The following MGAT1 variants were observed in gnomAD, a reference collection of about 807,000 sequenced individuals.
The protein encoded by MGAT1 is alpha-1,3-mannosyl-glycoprotein 2-beta-N-acetylglucosaminyltransferase, also known as N-glycosyl-oligosaccharide-glycoprotein N-acetylglucosaminyltransferase I.
Under a neutral mutation model 31.7 loss-of-function variants are expected in MGAT1, and 14 were observed. The ratio of observed to expected loss-of-function variants is 0.44; its 90% CI spans 0.29 to 0.69. The LOEUF (loss-of-function observed/expected upper bound fraction) is 0.69, where lower values mean the gene tolerates loss of function less well. Ranked by LOEUF, MGAT1 falls within the 30% of genes least tolerant of loss-of-function variation. The pLI, the probability that MGAT1 is intolerant of heterozygous loss-of-function variation, is 0.12. For missense variants in MGAT1, 557 were observed against 626.0 expected (o/e 0.89, Z 1.18); for synonymous variants, 338 against 276.0 (o/e 1.22, Z -2.23).
chr5:180,801,685 C>G (rs1287122675), intron 1 of MGAT1, among the ~76,000 whole-genome samples: 2 of 152,184 alleles, frequency 1.3e-5, no homozygotes, highest in Non-Finnish European at 2.9e-5. Flanking sequence ...GTCACTTGAC[C>G]CACTTGTACC....
Position 180,791,154 on chromosome 5 carries a change from GC to G in MGAT1, c.*479del, listed in dbSNP as rs1218677708. The G allele has an allele frequency of 3.8e-5, 6 of 158,108 alleles. No homozygotes were observed. Among genetic ancestry groups the G allele is most frequent in the Non-Finnish European group, 5.5e-5 (4 of 72,224 alleles). 9.8% of individuals were successfully genotyped at this position (158,108 alleles called of 1,614,324 possible). On this transcript the variant is annotated 3_prime_UTR_variant, in exon 2 of 2. Transcript: ENST00000307826. Reference sequence around the variant, plus strand: ...AACTCCACCAGGCCCTGACAAGGAAGCCCCTTTGGTTAGTATCATTTTGGCC... The same window carrying G: ...AACTCCACCAGGCCCTGACAAGGAAGCCCTTTGGTTAGTATCATTTTGGCC...
upstream of MGAT1, among the ~76,000 whole-genome samples, chr5:180,807,805 G>C (rs774255779): frequency 3.9e-5 from 6 of 152,240 alleles, no homozygotes; most frequent in Non-Finnish European, 8.8e-5. Flanking sequence ...TTCAGGGGCA[G>C]GCTTTTCACT....
Position 180,793,251 on chromosome 5 carries a change from C to T in MGAT1, c.-126-154G>A, listed in dbSNP as rs552783468. 1.4e-4 allele frequency among the ~76,000 whole-genome samples: 22 copies of T among 152,230 alleles called. No individual in the cohort carries two copies. The East Asian group carries it at 3.7e-3, about 25-fold the overall frequency. On this transcript the variant is annotated intron_variant, in intron 1 of 1. Transcript: ENST00000307826. ...AGCTCTCTAGGGAGTCAACATATAT[C>T]CTGACCCAGGAACGTATTTTTGAGG...
At position 180,791,495 on chromosome 5, in the gene MGAT1, A is replaced by G. The variant is rs1768074705; in HGVS notation, c.*139T>C. ...ATAATCCTCTTGTTATCATTTGTGCACTTAAATGCCACTCGGAAAAATCAA... is the reference window on the plus strand; with the variant it reads ...ATAATCCTCTTGTTATCATTTGTGCGCTTAAATGCCACTCGGAAAAATCAA... On this transcript the variant is annotated 3_prime_UTR_variant, in exon 2 of 2. Coordinates refer to ENST00000307826, the MANE Select transcript of MGAT1 (RefSeq NM_002406.4). 9.9e-7 allele frequency: 1 copy of G among 1,005,562 alleles called. No homozygotes were observed. The highest frequency in any genetic ancestry group is 1.5e-6 in the Non-Finnish European group (1 of 677,966). The allele number at this position is 1,005,562 out of a possible 1,614,324, so 62.3% of individuals were successfully genotyped here.
At chr5:180,800,605 A>C (rs1168354801) in intron 1 of MGAT1, among the ~76,000 whole-genome samples, 1 of 152,208 alleles carries the variant, frequency 6.6e-6, no homozygotes. Context: ...TGTTCCAAGA[A>C]AGCGGGCAAG....
intron 2 of MGAT1, among the ~76,000 whole-genome samples, chr5:180,808,217 T>C (rs999329135): frequency 6.6e-6 from 1 of 152,176 alleles, no homozygotes; most frequent in African/African-American, 2.4e-5. Context: ...ATCTAGACCA[T>C]TCCCGCCTTC....
At chr5:180,807,969 G>C (rs1223944333) in intron 2 of MGAT1, among the ~76,000 whole-genome samples, 2 of 152,192 alleles carry the variant, frequency 1.3e-5, no homozygotes. Flanking sequence ...CAAAATCCTT[G>C]TTTCATTTGC....
At chr5:180,809,487 C>T (rs1772303844) in intron 1 of MGAT1, 1 of 152,090 alleles carries the variant, frequency 6.6e-6, no homozygotes, top group Admixed American at 6.5e-5. Flanking sequence ...TCTTAGGGTG[C>T]TGAGTGTTTT....
chr5:180,797,044 TATAACAGG>T (rs1347210172), intron 1 of MGAT1, among the ~76,000 whole-genome samples: 1 of 152,156 alleles, frequency 6.6e-6, no homozygotes, highest in African/African-American at 2.4e-5. Flanking sequence ...AAAGACTTTA[TATAACAGG>T]ATGGGGATGG....
In MGAT1 at chr5:180,792,190, G is replaced by C. The variant is rs780680621; in HGVS notation, c.782C>G (p.Thr261Ser). 6.2e-7 allele frequency: 1 copy of C among 1,613,122 alleles called. No homozygotes were observed. The highest frequency in any genetic ancestry group is 8.5e-7 in the Non-Finnish European group (1 of 1,179,998). Residue 261 changes from threonine (T) to serine (S), a missense_variant, in exon 2 of 2, where the codon ACC becomes AGC. Physicochemically the swap from Thr to Ser is moderately conservative, Grantham distance 58 (BLOSUM62 1). This residue lies in a region of MGAT1 where 245 missense variants were observed against 332.9 expected (regional missense o/e 0.74). Transcript: ENST00000307826. ...CCAGCCCAGGCCAGGGAAAAAGTCG[G>C]TGCGGTAGAGCAGCTCAGGCCTGCT... ...DASRPELLYRTDFFPGLGWLL... is the reference protein window; with the variant it reads ...DASRPELLYRSDFFPGLGWLL...
chr5:180,809,023 G>C (rs1453908037), exon 2 of MGAT1: 3 of 152,230 alleles, frequency 2.0e-5, no homozygotes, highest in Non-Finnish European at 4.4e-5. Flanking sequence ...GGGCTCATGA[G>C]AAGAAACAGG....
Position 180,792,114 on chromosome 5 carries a change from G to A in MGAT1, c.858C>T (p.Ala286=), listed in dbSNP as rs3197103. The A allele has an allele frequency of 1.9e-6, 3 of 1,613,148 alleles. No homozygotes were observed. Among genetic ancestry groups the A allele is most frequent in the African/African-American group, 1.3e-5 (1 of 74,922 alleles). ...WAELEPKWPK[A]FWDDWMRRPE... is the part of the protein sequence containing the mutation. ...GCCGCCGCATCCAGTCGTCCCAGAAGGCCTTTGGCCACTTGGGCTCCAGCT... is the reference window on the plus strand; with the variant it reads ...GCCGCCGCATCCAGTCGTCCCAGAAAGCCTTTGGCCACTTGGGCTCCAGCT... Residue 286 remains alanine, a synonymous_variant, in exon 2 of 2, where the codon GCC becomes GCT. Transcript: ENST00000307826.
At chr5:180,805,387 G>T (rs191499865), upstream of MGAT1, among the ~76,000 whole-genome samples, 23 of 152,320 alleles carry the variant, frequency 1.5e-4, no homozygotes, top group East Asian at 2.3e-3. Context: ...CAAGATCCCT[G>T]ACACTTTTTA....
At position 180,792,186 on chromosome 5, in the gene MGAT1, G is replaced by A. The variant is rs750871518; in HGVS notation, c.786C>T (p.Asp262=). Residue 262 remains aspartate, a synonymous_variant, in exon 2 of 2, where the codon GAC becomes GAT. Transcript: ENST00000307826. ...ASRPELLYRT[D]FFPGLGWLLL... ...GCAGCCAGCCCAGGCCAGGGAAAAAGTCGGTGCGGTAGAGCAGCTCAGGCC... is the reference window on the plus strand; with the variant it reads ...GCAGCCAGCCCAGGCCAGGGAAAAAATCGGTGCGGTAGAGCAGCTCAGGCC... 5.6e-6 allele frequency: 9 copies of A among 1,613,024 alleles called. No individual in the cohort carries two copies. In the Admixed American group the frequency reaches 1.2e-4, roughly 21 times the overall value.
At chr5:180,812,275 G>A (rs1219428197) in intron 1 of MGAT1, among the ~76,000 whole-genome samples, 2 of 152,150 alleles carry the variant, frequency 1.3e-5, no homozygotes, top group Non-Finnish European at 2.9e-5. Flanking sequence ...TCCCCTTCGG[G>A]CTTCTCTCAC....
Position 180,802,776 on chromosome 5 carries a change from C to T in MGAT1, c.-223G>A, listed in dbSNP as rs973551132. On this transcript the variant is annotated 5_prime_UTR_variant, in exon 1 of 2. Transcript: ENST00000307826. ...CGCGTCCCAAGCGCTGCCGCGGCCGCCTCGCCTTTCGACTCGCCAGCCCTT... is the reference window on the plus strand; with the variant it reads ...CGCGTCCCAAGCGCTGCCGCGGCCGTCTCGCCTTTCGACTCGCCAGCCCTT... 17 of 152,084 alleles carry T rather than the reference C, an allele frequency of 1.1e-4. No homozygotes were observed. Among genetic ancestry groups the T allele is most frequent in the African/African-American group, 4.1e-4 (17 of 41,444 alleles). 9.4% of individuals were successfully genotyped at this position (152,084 alleles called of 1,614,324 possible).
chr5:180,806,785 T>C (rs1771935906), upstream of MGAT1, among the ~76,000 whole-genome samples: 1 of 152,060 alleles, frequency 6.6e-6, no homozygotes, highest in Non-Finnish European at 1.5e-5. Flanking sequence ...ATTACGCAAA[T>C]ACGCAACTCC....
chr5:180,800,165 C>T (rs1481321638), intron 1 of MGAT1, among the ~76,000 whole-genome samples: 1 of 152,194 alleles, frequency 6.6e-6, no homozygotes, highest in African/African-American at 2.4e-5. Context: ...GAAACAGACT[C>T]TAGATAATCT....
chr5:180,810,030 G>A (rs1241081675), intron 1 of MGAT1: 1 of 152,024 alleles, frequency 6.6e-6, no homozygotes, highest in South Asian at 2.1e-4. Context: ...TAACTGCGCC[G>A]GGTCGTTACC....
Sources: allele counts gnomAD v4.1 joint callset (sites outside exome capture counted in the v4.1 genomes callset), GRCh38; gene constraint gnomAD v4.1.1; regional missense constraint gnomAD v4.1.1; transcripts MANE v1.5; gene names NCBI Gene and HGNC (gene_info 2026-07-23, HGNC 2026-07-21).